The following ZNF689 variants were observed in gnomAD, a reference collection of about 807,000 sequenced individuals.
ZNF689 encodes the protein short ORF-encoded histone-binding protein.
Under a neutral mutation model 37.2 loss-of-function variants are expected in ZNF689, and 14 were observed. That is an observed-to-expected ratio of 0.38 (90% confidence interval 0.25 to 0.59). The LOEUF (loss-of-function observed/expected upper bound fraction) is 0.59, where lower values mean the gene tolerates loss of function less well. ZNF689 is among the 20% of genes least tolerant of loss of function. The pLI, the probability that ZNF689 is intolerant of heterozygous loss-of-function variation, is 0.68. For synonymous variants in ZNF689, 277 were observed against 283.3 expected (o/e 0.98, Z 0.22); for missense variants, 573 against 700.2 (o/e 0.82, Z 2.05).
In ZNF689 at chr16:30,610,373, C is replaced by T. The variant is rs1481674168; in HGVS notation, c.-332G>A. On this transcript the variant is annotated 5_prime_UTR_variant, in exon 1 of 3. Coordinates refer to ENST00000287461, the MANE Select transcript of ZNF689 (RefSeq NM_138447.3). Reference sequence around the variant, plus strand: ...CCATGCCGGCTTCCTAACCTCTTTGCCCTCAAGTGTAATGGCGCTGCGATT... The same window carrying T: ...CCATGCCGGCTTCCTAACCTCTTTGTCCTCAAGTGTAATGGCGCTGCGATT... 3 of 313,946 alleles carry T rather than the reference C, an allele frequency of 9.6e-6. No homozygotes were observed. Among genetic ancestry groups the T allele is most frequent in the African/African-American group, 2.2e-5 (1 of 45,438 alleles). The allele number at this position is 313,946 out of a possible 1,614,324, so 19.4% of individuals were successfully genotyped here.
rs1409661275 is a variant in ZNF689 at position 30,605,421 on chromosome 16, C to T, written c.346G>A (p.Glu116Lys). Residue 116 changes from glutamate (E) to lysine (K), a missense_variant, in exon 3 of 3, where the codon GAG becomes AAG. Physicochemically the swap from Glu to Lys is moderately conservative, Grantham distance 56. Around this residue, in one of 3 missense-constraint regions of ZNF689, gnomAD observed 252 missense variants for 313.3 expected, o/e 0.80. Coordinates refer to ENST00000287461, the MANE Select transcript of ZNF689 (RefSeq NM_138447.3). The surrounding 1 kb of genome is among the most constrained non-coding windows in gnomAD (Gnocchi z 5.1). ...TCCTTAGGCGGGAATACTTCCTTCT[C>T]CCCATTCTTCTTTCTGGTTCTGCTT... ...RKSRTRKKNG[E>K]KEVFPPKEAP... 2.5e-6 allele frequency: 4 copies of T among 1,613,128 alleles called. No individual in the cohort carries two copies. The highest frequency in any genetic ancestry group is 3.4e-6 in the Non-Finnish European group (4 of 1,179,810).
At chr16:30,606,134 C>A (rs2052034152) in intron 2 of ZNF689, among the ~76,000 whole-genome samples, 1 of 151,796 alleles carries the variant, frequency 6.6e-6, no homozygotes, top group Non-Finnish European at 1.5e-5. Context: ...CCCATCTCTA[C>A]AAAAAATACA....
rs1027671736 is a variant in ZNF689 at position 30,604,708 on chromosome 16, G to C, written c.1059C>G (p.Arg353=). The change falls in exon 3 of 3, where the codon CGC becomes CGG. Residue 353 remains arginine, a synonymous_variant. Transcript: ENST00000287461. This position sits in a 1 kb window ranked among gnomAD's most constrained non-coding sequence, Gnocchi z 5.2. ...GGAGCAGCGTGCTGCGCTGGGAGAA[G>C]CGGGCCTCACAGTGCTCGCAGGCAT... The part of the protein sequence containing the change: ...RPYACEHCEA[R]FSQRSTLLQH... The C allele has an allele frequency of 6.8e-6, 11 of 1,606,548 alleles. No individual in the cohort carries two copies. In the African/African-American group the frequency reaches 1.5e-4, roughly 22 times the overall value.
chr16:30,605,951 CAA>C lies in ZNF689; in HGVS notation c.320-506_320-505del, dbSNP rs1213916674. On this transcript the variant is annotated intron_variant, in intron 2 of 2. Transcript: ENST00000287461. This position sits in a 1 kb window ranked among gnomAD's most constrained non-coding sequence, Gnocchi z 5.1. ...TGGGCGAGAGAGCGAGATTCCATCT[CAA>C]AAAAAAAAAAAAAAGGAATATTTTT... Among the ~76,000 whole-genome samples the C allele has an allele frequency of 4.1e-4, 27 of 66,028 alleles. No homozygotes were observed. The highest frequency in any genetic ancestry group is 7.1e-4 in the Admixed American group (4 of 5,612). 43.3% of individuals were successfully genotyped at this position (66,028 alleles called of 152,430 possible). A position where few individuals can be genotyped will look rare whatever the true frequency, so the allele number is the denominator to read the frequency against.
intron 1 of ZNF689, 52 bp from the exon 2 acceptor site, chr16:30,609,690 T>G (rs1189494708): frequency 6.2e-7 from 1 of 1,611,034 alleles, no homozygotes; most frequent in Admixed American, 1.7e-5. Context: ...CGCCGAGTAG[T>G]ATCTCCCCGA....
In ZNF689 at chr16:30,605,059, A is replaced by C. The variant is rs902268610; in HGVS notation, c.708T>G (p.Pro236=). The stretch of plus-strand genomic sequence containing the variant: ...TCCTCCGGAAGCAGCGACCACAGTC[A>C]GGGCAGTGATAGGGCTTCTCCCCTG... ...IHTGEKPYHC[P]DCGRCFRRSR... Residue 236 remains proline, a synonymous_variant, in exon 3 of 3, where the codon CCT becomes CCG. Coordinates refer to ENST00000287461, the MANE Select transcript of ZNF689 (RefSeq NM_138447.3). The surrounding 1 kb of genome is among the most constrained non-coding windows in gnomAD (Gnocchi z 5.1). 1 of 1,613,664 alleles carries C rather than the reference A, an allele frequency of 6.2e-7. No homozygotes were observed. Among genetic ancestry groups the C allele is most frequent in the African/African-American group, 1.3e-5 (1 of 74,918 alleles).
In ZNF689 at chr16:30,604,866, G is replaced by A. The variant is rs1465714878; in HGVS notation, c.901C>T (p.Arg301Cys). ...CLECNRRFRQRTALVIHQRIH... is the reference protein window; with the variant it reads ...CLECNRRFRQCTALVIHQRIH... ...CGCTGGTGGATGACGAGGGCCGTGC[G>A]CTGGCGGAAGCGGCGGTTGCACTCG... Residue 301 changes from arginine to cysteine, a missense_variant, in exon 3 of 3, where the codon CGC becomes TGC. By Grantham distance (180) the Arg-to-Cys change is radical (BLOSUM62 -3). Around this residue, in one of 3 missense-constraint regions of ZNF689, gnomAD observed 317 missense variants for 367.1 expected, o/e 0.86. Transcript: ENST00000287461. This position sits in a 1 kb window ranked among gnomAD's most constrained non-coding sequence, Gnocchi z 5.2. 2 of 1,585,312 alleles carry A rather than the reference G, an allele frequency of 1.3e-6. No homozygotes were observed.
In ZNF689 at chr16:30,604,521, G is replaced by A; in HGVS notation, c.1246C>T (p.Leu416=). 1.3e-6 allele frequency: 2 copies of A among 1,594,972 alleles called. No individual in the cohort carries two copies. Among genetic ancestry groups the A allele is most frequent in the South Asian group, 2.2e-5 (2 of 89,062 alleles). ...CGRRFAYPSL[L]ASHRRVHSGE... ...GAGTGCACGCGCCGGTGGCTGGCCA[G>A]CAGTGAGGGGTAGGCAAAGCGGCGA... Residue 416 remains leucine, a synonymous_variant, in exon 3 of 3, where the codon CTG becomes TTG. Transcript: ENST00000287461. This position sits in a 1 kb window ranked among gnomAD's most constrained non-coding sequence, Gnocchi z 5.2.
At position 30,610,095 on chromosome 16, in the gene ZNF689, G is replaced by A; in HGVS notation, c.-54C>T. ...TCCGTGTCCAGGCCTCGGCCCTCGG[G>A]CGCTGGCGGCCCCTGGGATCGAGGA... is the stretch of plus-strand genomic sequence containing the variant. On this transcript the variant is annotated 5_prime_UTR_variant, in exon 1 of 3. Coordinates refer to ENST00000287461, the MANE Select transcript of ZNF689 (RefSeq NM_138447.3). The A allele has an allele frequency of 6.6e-7, 1 of 1,525,806 alleles. No homozygotes were observed. The highest frequency in any genetic ancestry group is 1.2e-5 in the South Asian group (1 of 81,918). 94.5% of individuals were successfully genotyped at this position (1,525,806 alleles called of 1,614,324 possible).
chr16:30,604,483 G>T lies in ZNF689; in HGVS notation c.1284C>A (p.Pro428=). 6.2e-7 allele frequency: 1 copy of T among 1,604,786 alleles called. No homozygotes were observed. The highest frequency in any genetic ancestry group is 2.3e-5 in the East Asian group (1 of 44,432). The change falls in exon 3 of 3, where the codon CCC becomes CCA. Residue 428 remains proline, a synonymous_variant. Coordinates refer to ENST00000287461, the MANE Select transcript of ZNF689 (RefSeq NM_138447.3). The surrounding 1 kb of genome is among the most constrained non-coding windows in gnomAD (Gnocchi z 5.2). The part of the protein sequence containing the change: ...SHRRVHSGER[P]YACDLCSKRF... Reference sequence around the variant, plus strand: ...GCTTGGAGCAAAGGTCGCAGGCATAGGGCCGCTCGCCCGAGTGCACGCGCC... The same window carrying T: ...GCTTGGAGCAAAGGTCGCAGGCATATGGCCGCTCGCCCGAGTGCACGCGCC...
Position 30,604,088 on chromosome 16 carries a change from G to T in ZNF689, c.*176C>A, listed in dbSNP as rs2052008152. 1 of 755,654 alleles carries T rather than the reference G, an allele frequency of 1.3e-6. No individual in the cohort carries two copies. The highest frequency in any genetic ancestry group is 2.7e-5 in the East Asian group (1 of 37,410). The allele number at this position is 755,654 out of a possible 1,614,324, so 46.8% of individuals were successfully genotyped here. A position where few individuals can be genotyped will look rare whatever the true frequency, so the allele number is the denominator to read the frequency against. ...CAAATGACGTCACCTCTCCTAATGG[G>T]ACTGTTCCAGACACGCACAGGGAGG... On this transcript the variant is annotated 3_prime_UTR_variant, in exon 3 of 3. Coordinates refer to ENST00000287461, the MANE Select transcript of ZNF689 (RefSeq NM_138447.3). This position sits in a 1 kb window ranked among gnomAD's most constrained non-coding sequence, Gnocchi z 5.2.
chr16:30,609,844 G>T lies in ZNF689; in HGVS notation c.198C>A (p.Gly66=). 6 of 1,604,006 alleles carry T rather than the reference G, an allele frequency of 3.7e-6. No homozygotes were observed. Among genetic ancestry groups the T allele is most frequent in the Non-Finnish European group, 5.1e-6 (6 of 1,176,518 alleles). ...GGATGGGGCCGGCCTCACCGAGCGC[G>T]CCCAGGTGACCGTAGGTCTCCCGCA... ...DVMRETYGHL[G]ALGCAGPKPA... Residue 66 remains glycine, a synonymous_variant, in exon 1 of 3, where the codon GGC becomes GGA. Transcript: ENST00000287461.
rs1162478531 is a variant in ZNF689 at position 30,609,531 on chromosome 16, G to C, written c.313C>G (p.Gln105Glu). 4.3e-6 allele frequency: 7 copies of C among 1,613,722 alleles called. No individual in the cohort carries two copies. The highest frequency in any genetic ancestry group is 5.1e-6 in the Non-Finnish European group (6 of 1,179,822). Reference sequence around the variant, plus strand: ...GTGGTTATTTAGCACTCACTTCTCTGGACTGTTAGCCCTCTCGGGTACTCC... The same window carrying C: ...GTGGTTATTTAGCACTCACTTCTCTCGACTGTTAGCCCTCTCGGGTACTCC... Reference protein sequence around the residue: ...PQEYPRGLTVQRKSRTRKKNG... With the variant: ...PQEYPRGLTVERKSRTRKKNG... Residue 105 changes from glutamine (Q) to glutamate (E), a missense_variant, in exon 2 of 3, where the codon CAG becomes GAG. By Grantham distance (29) the Gln-to-Glu change is conservative. Transcript: ENST00000287461.
rs143131926 is a variant in ZNF689, at chr16:30,605,228, G to A, written c.539C>T (p.Pro180Leu). ...AQNLKKPYPCPDCGRRFSYPS... is the reference protein window; with the variant it reads ...AQNLKKPYPCLDCGRRFSYPS... ...ATAGGAAAAGCGGCGCCCACAGTCT[G>A]GGCAAGGGTAAGGCTTTTTTAGATT... The change falls in exon 3 of 3, where the codon CCA (proline) becomes CTA (leucine). Residue 180 changes from proline (P) to leucine (L), a missense_variant. This residue lies in a region of ZNF689 where 252 missense variants were observed against 313.3 expected (regional missense o/e 0.80). Transcript: ENST00000287461. This position sits in a 1 kb window ranked among gnomAD's most constrained non-coding sequence, Gnocchi z 5.1. 57 of 1,613,930 alleles carry A rather than the reference G, an allele frequency of 3.5e-5. No individual in the cohort carries two copies. Among genetic ancestry groups the A allele is most frequent in the Non-Finnish European group, 4.6e-5 (54 of 1,179,936 alleles).
rs2052079378 is a variant in ZNF689 at position 30,609,884 on chromosome 16, A to G, written c.158T>C (p.Leu53Pro). 1 of 1,611,682 alleles carries G rather than the reference A, an allele frequency of 6.2e-7. No individual in the cohort carries two copies. Among genetic ancestry groups the G allele is most frequent in the Non-Finnish European group, 8.5e-7 (1 of 1,179,330 alleles). Residue 53 changes from leucine (L) to proline (P), a missense_variant, in exon 1 of 3, where the codon CTG (leucine) becomes CCG (proline). Leu to Pro is a moderately conservative substitution (Grantham distance 98). Around this residue, in one of 3 missense-constraint regions of ZNF689, gnomAD observed 252 missense variants for 313.3 expected, o/e 0.80. Transcript: ENST00000287461. ...WGCLRPAQRALYRDVMRETYG... is the reference protein window; with the variant it reads ...WGCLRPAQRAPYRDVMRETYG... ...GGTCTCCCGCATCACGTCCCGGTAC[A>G]GGGCCCTCTGCGCGGGCCGCAGGCA...
In ZNF689 at chr16:30,610,047, C is replaced by T; in HGVS notation, c.-6G>A. The T allele has an allele frequency of 1.9e-6, 3 of 1,581,442 alleles. No homozygotes were observed. Among genetic ancestry groups the T allele is most frequent in the Non-Finnish European group, 2.6e-6 (3 of 1,165,856 alleles). On this transcript the variant is annotated 5_prime_UTR_variant, in exon 1 of 3. Transcript: ENST00000287461. Reference sequence around the variant, plus strand: ...GGAGCCGAAGGTGGCGCCATGGGACCCGAGAAGCCGGCGCCACGGCCTTCC... The same window carrying T: ...GGAGCCGAAGGTGGCGCCATGGGACTCGAGAAGCCGGCGCCACGGCCTTCC...
rs1183973597 is a variant in ZNF689, at chr16:30,605,823, T to C, written c.320-376A>G. ...AAATACAAAAATTAGCCGGGCGTGG[T>C]GGCACGCACCTGTAATCCCAGCTAC... On this transcript the variant is annotated intron_variant, in intron 2 of 2. Coordinates refer to ENST00000287461, the MANE Select transcript of ZNF689 (RefSeq NM_138447.3). The surrounding 1 kb of genome is among the most constrained non-coding windows in gnomAD (Gnocchi z 5.1). Among the ~76,000 whole-genome samples, 2 of 151,920 alleles carry C rather than the reference T, an allele frequency of 1.3e-5. No homozygotes were observed. The highest frequency in any genetic ancestry group is 4.8e-5 in the African/African-American group (2 of 41,352).
intron 2 of ZNF689, among the ~76,000 whole-genome samples, chr16:30,607,105 C>G (rs533773217): frequency 1.3e-5 from 2 of 150,044 alleles, no homozygotes; most frequent in South Asian, 4.2e-4. Context: ...TAAAAATTAG[C>G]TGGGCACAAT....
Position 30,604,387 on chromosome 16 carries a change from G to T in ZNF689, c.1380C>A (p.Leu460=). The T allele has an allele frequency of 6.2e-7, 1 of 1,613,810 alleles. No individual in the cohort carries two copies. The highest frequency in any genetic ancestry group is 2.2e-5 in the East Asian group (1 of 44,886). Residue 460 remains leucine, a synonymous_variant, in exon 3 of 3, where the codon CTC becomes CTA. Transcript: ENST00000287461. This position sits in a 1 kb window ranked among gnomAD's most constrained non-coding sequence, Gnocchi z 5.2. ...TCTGGCGGAAGCACCGGCCACACTC[G>T]AGGCAGGGGAAAGGCTTCTCCCCCG... ...LHTGEKPFPC[L]ECGRCFRQRW...
Sources: allele counts gnomAD v4.1 joint callset (sites outside exome capture counted in the v4.1 genomes callset), GRCh38; gene constraint gnomAD v4.1.1; regional missense constraint gnomAD v4.1.1; non-coding constraint Gnocchi (gnomAD v3.1); transcripts MANE v1.5; gene names NCBI Gene and HGNC (gene_info 2026-07-23, HGNC 2026-07-21).